The following RAB38 variants were observed in gnomAD, a reference collection of about 807,000 sequenced individuals.
RAB38 encodes RAB38, member RAS oncogene family.
Under a neutral mutation model 18.4 loss-of-function variants are expected in RAB38, and 15 were observed. That is an observed-to-expected ratio of 0.82 (90% CI 0.55 to 1.26). The LOEUF (loss-of-function observed/expected upper bound fraction) is 1.26. Ranked by LOEUF, RAB38 falls within the 50% of genes most tolerant of loss-of-function variation. RAB38 has a pLI of 0.00. For missense variants in RAB38, 294 were observed against 267.4 expected (o/e 1.10, Z -0.69); for synonymous variants, 101 against 104.4 (o/e 0.97, Z 0.20).
the RAB38 span, among the ~76,000 whole-genome samples, chr11:87,895,257 C>A: frequency 6.6e-6 from 1 of 151,460 alleles, no homozygotes. Context: ...TCAAACACAG[C>A]ACAGATGATG....
chr11:87,906,608 T>C, the RAB38 span, among the ~76,000 whole-genome samples: 2,287 of 152,064 alleles, frequency 0.015, 35 homozygotes, highest in Non-Finnish European at 0.024. Flanking sequence ...AGGGTATAAA[T>C]GTAATTTTAA....
At chr11:87,952,428 AT>A in the RAB38 span, among the ~76,000 whole-genome samples, 1 of 151,908 alleles carries the variant, frequency 6.6e-6, no homozygotes, top group Admixed American at 6.6e-5. Context: ...CTTGTTTCTT[AT>A]TTTCTGTTGA....
intron 2 of RAB38, among the ~76,000 whole-genome samples, chr11:88,142,851 C>CT (rs1942933791): frequency 6.6e-6 from 1 of 152,208 alleles, no homozygotes; most frequent in Non-Finnish European, 1.5e-5. Flanking sequence ...AGGCCTTTCC[C>CT]TTATCCAACT....
the RAB38 span, among the ~76,000 whole-genome samples, chr11:87,927,307 TA>T: frequency 5.9e-5 from 9 of 152,080 alleles, no homozygotes; most frequent in Non-Finnish European, 1.3e-4. Flanking sequence ...ATAGGCTTGA[TA>T]AATAAAAGAA....
the RAB38 span, among the ~76,000 whole-genome samples, chr11:87,888,353 A>G: frequency 6.6e-6 from 1 of 152,110 alleles, no homozygotes; most frequent in East Asian, 2.0e-4. Context: ...GCAATGCAGT[A>G]TAGTTGTGAA....
the RAB38 span, among the ~76,000 whole-genome samples, chr11:87,910,987 T>C: frequency 6.6e-6 from 1 of 152,068 alleles, no homozygotes; most frequent in African/African-American, 2.4e-5. Flanking sequence ...TTTGTTTTTT[T>C]ATTTTTTTGC....
chr11:88,156,109 G>C (rs1943121597), intron 1 of RAB38, among the ~76,000 whole-genome samples: 1 of 152,054 alleles, frequency 6.6e-6, no homozygotes, highest in South Asian at 2.1e-4. Context: ...TATTTGGGGG[G>C]ATAATTCAAG....
At chr11:88,012,018 C>T in the RAB38 span, among the ~76,000 whole-genome samples, 2 of 152,204 alleles carry the variant, frequency 1.3e-5, no homozygotes, top group East Asian at 3.9e-4. Context: ...TTGTCTCAAA[C>T]AGTGTGACAT....
the RAB38 span, among the ~76,000 whole-genome samples, chr11:88,073,970 A>T: frequency 6.6e-6 from 1 of 151,774 alleles, no homozygotes; most frequent in African/African-American, 2.4e-5. Flanking sequence ...AGACTATTTG[A>T]CAATACACAG....
chr11:88,025,655 G>T, the RAB38 span, among the ~76,000 whole-genome samples: 2 of 152,050 alleles, frequency 1.3e-5, no homozygotes, highest in African/African-American at 2.4e-5. Flanking sequence ...TCATATGTAT[G>T]TTGGCTACTT....
At chr11:88,075,483 GA>G in the RAB38 span, among the ~76,000 whole-genome samples, 1 of 152,146 alleles carries the variant, frequency 6.6e-6, no homozygotes, top group Non-Finnish European at 1.5e-5. Context: ...AAGAGTTTCT[GA>G]AACAAATGAA....
the RAB38 span, among the ~76,000 whole-genome samples, chr11:87,876,471 C>T: frequency 6.6e-6 from 1 of 151,532 alleles, no homozygotes; most frequent in South Asian, 2.1e-4. Context: ...GGCTTCTCCT[C>T]AGCAAATCCA....
the RAB38 span, among the ~76,000 whole-genome samples, chr11:87,865,309 C>A: frequency 0.29 from 44,475 of 151,428 alleles, 8,494 homozygotes; most frequent in African/African-American, 0.53. Context: ...AGGTGGTCTC[C>A]AGGTAATCAC....
chr11:87,948,359 C>G, the RAB38 span, among the ~76,000 whole-genome samples: 1 of 152,146 alleles, frequency 6.6e-6, no homozygotes, highest in East Asian at 1.9e-4. Flanking sequence ...AATTTGACTT[C>G]CTCTTTTCCT....
chr11:87,939,808 C>G, the RAB38 span, among the ~76,000 whole-genome samples: 101 of 152,258 alleles, frequency 6.6e-4, no homozygotes, highest in African/African-American at 2.2e-3. Context: ...GGGAGGATCA[C>G]TTGAGCCTGG....
chr11:87,910,999 T>C, the RAB38 span, among the ~76,000 whole-genome samples: 19 of 152,062 alleles, frequency 1.2e-4, no homozygotes, highest in South Asian at 6.2e-4. Flanking sequence ...TTTTTTTGCA[T>C]GTGGATATCT....
chr11:88,036,848 G>A, the RAB38 span, among the ~76,000 whole-genome samples: 3 of 151,882 alleles, frequency 2.0e-5, no homozygotes, highest in Admixed American at 1.3e-4. Flanking sequence ...AGCAAATATG[G>A]TTTGGTGATG....
intron 1 of RAB38, among the ~76,000 whole-genome samples, chr11:88,162,151 T>C (rs1943194685): frequency 6.6e-6 from 1 of 152,134 alleles, no homozygotes; most frequent in Admixed American, 6.6e-5. Flanking sequence ...ATGGTGGTTA[T>C]TTCCAGTTTT....
At chr11:88,018,083 A>C in the RAB38 span, among the ~76,000 whole-genome samples, 1 of 151,762 alleles carries the variant, frequency 6.6e-6, no homozygotes, top group Non-Finnish European at 1.5e-5. Context: ...TGAGTCCATT[A>C]CACCTCTTTC....
Sources: allele counts gnomAD v4.1 joint callset (sites outside exome capture counted in the v4.1 genomes callset), GRCh38; gene constraint gnomAD v4.1.1; transcripts MANE v1.5; gene names NCBI Gene and HGNC (gene_info 2026-07-23, HGNC 2026-07-21).